AGPAT4: variants seen among roughly 807,000 people sequenced by gnomAD.
The protein encoded by AGPAT4 is 1-acylglycerol-3-phosphate O-acyltransferase 4.
AGPAT4 carries 15 observed loss-of-function variants against 48.0 expected under a neutral mutation model. The ratio of observed to expected loss-of-function variants is 0.31; its 90% CI spans 0.21 to 0.48. The LOEUF (loss-of-function observed/expected upper bound fraction) is 0.48, where lower values mean the gene tolerates loss of function less well. Ranked by LOEUF, AGPAT4 falls within the 20% of genes least tolerant of loss-of-function variation. AGPAT4 has a pLI of 0.99. For synonymous variants in AGPAT4, 178 were observed against 198.7 expected, an observed-to-expected ratio of 0.90 and a Z score of 0.88; for missense variants, 314 against 482.5, an observed-to-expected ratio of 0.65 and a Z score of 3.27.
chr6:161,163,512 C>A (rs777073615), intron 3 of AGPAT4, among the ~76,000 whole-genome samples: 1 of 152,176 alleles, frequency 6.6e-6, no homozygotes, highest in African/African-American at 2.4e-5. Context: ...AGCCATCTCA[C>A]CCACCGTCAT....
rs1006212520 is a variant in AGPAT4, at chr6:161,218,686, A to C, written c.178+13350T>G. Among the ~76,000 whole-genome samples the C allele has an allele frequency of 6.6e-6, 1 of 152,212 alleles. No homozygotes were observed. Among genetic ancestry groups the C allele is most frequent in the African/African-American group, 2.4e-5 (1 of 41,466 alleles). ...ACTCAAAAACAGCCACTTGGAAGCT[A>C]TAAAGGGAGCCATAAGGATGCTAGA... is the stretch of plus-strand genomic sequence containing the variant. On this transcript the variant is annotated intron_variant, in intron 2 of 8. Coordinates refer to ENST00000320285, the MANE Select transcript of AGPAT4 (RefSeq NM_020133.3). The surrounding 1 kb of genome is among the most constrained non-coding windows in gnomAD (Gnocchi z 4.7).
rs746809281 is a variant in AGPAT4 at position 161,139,567 on chromosome 6, C to G, written c.897G>C (p.Met299Ile). The G allele has an allele frequency of 4.3e-6, 7 of 1,613,912 alleles. No homozygotes were observed. In the East Asian group the frequency reaches 1.6e-4, roughly 36 times the overall value. ...GGGTCCAGGGCCGCCGGGGGGGCAC[C>G]ATGGGCGTCTCTGGGAAGGTGCCCG... ...YRTGTFPETP[M>I]VPPRRPWTLV... Residue 299 changes from methionine to isoleucine, a missense_variant, in exon 8 of 9, where the codon ATG becomes ATC. Physicochemically the swap from Met to Ile is conservative, Grantham distance 10 (BLOSUM62 1). Coordinates refer to ENST00000320285, the MANE Select transcript of AGPAT4 (RefSeq NM_020133.3). The surrounding 1 kb of genome is among the most constrained non-coding windows in gnomAD (Gnocchi z 9.1).
At chr6:161,211,629 T>TA (rs1056329339) in intron 2 of AGPAT4, among the ~76,000 whole-genome samples, 8 of 152,030 alleles carry the variant, frequency 5.3e-5, no homozygotes, top group South Asian at 2.1e-4. Flanking sequence ...AAGAGATTTT[T>TA]AAAAAAAACG....
chr6:161,176,343 A>T (rs1780427800), intron 2 of AGPAT4, among the ~76,000 whole-genome samples: 1 of 152,194 alleles, frequency 6.6e-6, no homozygotes, highest in Non-Finnish European at 1.5e-5. Context: ...ATATATGTTT[A>T]GGGTAGATAG....
chr6:161,158,366 A>AT lies in AGPAT4; in HGVS notation c.349-4057dup, dbSNP rs1779820896. 6.6e-6 allele frequency among the ~76,000 whole-genome samples: 1 copy of AT among 152,100 alleles called. No individual in the cohort carries two copies. The highest frequency in any genetic ancestry group is 2.1e-4 in the South Asian group (1 of 4,828). On this transcript the variant is annotated intron_variant, in intron 3 of 8. Transcript: ENST00000320285. The surrounding 1 kb of genome is among the most constrained non-coding windows in gnomAD (Gnocchi z 5.3). ...AATATACTAATTTCATCAATTCTGGATTTATTTCACAGGTCAACGTGAAAG... is the reference window on the plus strand; with the variant it reads ...AATATACTAATTTCATCAATTCTGGATTTTATTTCACAGGTCAACGTGAAAG...
At chr6:161,168,628 CGCGTGATTACCTAAT>C (rs926300909) in intron 2 of AGPAT4, among the ~76,000 whole-genome samples, 16 of 152,188 alleles carry the variant, frequency 1.1e-4, no homozygotes, top group African/African-American at 3.9e-4. Flanking sequence ...CAACAAATGC[CGCGTGATTACCTAAT>C]GCGTTCAAGC....
rs901314983 is a variant in AGPAT4 at position 161,162,484 on chromosome 6, C to T, written c.348+3764G>A. On this transcript the variant is annotated intron_variant, in intron 3 of 8. Transcript: ENST00000320285. Reference sequence around the variant, plus strand: ...TGTGTTTTAAAACAAGCCTGTGTGGCGAGGGATGGAGGCCGGGCAGCAAAC... The same window carrying T: ...TGTGTTTTAAAACAAGCCTGTGTGGTGAGGGATGGAGGCCGGGCAGCAAAC... Among the ~76,000 whole-genome samples the T allele has an allele frequency of 5.9e-5, 9 of 152,224 alleles. No individual in the cohort carries two copies. The East Asian group carries it at 1.4e-3, about 23-fold the overall frequency.
rs911788784 is a variant in AGPAT4 at position 161,244,105 on chromosome 6, C to T, written c.-89-11803G>A. 2.0e-5 allele frequency among the ~76,000 whole-genome samples: 3 copies of T among 152,198 alleles called. No individual in the cohort carries two copies. Among genetic ancestry groups the T allele is most frequent in the Non-Finnish European group, 4.4e-5 (3 of 68,034 alleles). Reference sequence around the variant, plus strand: ...GAAATAAAAACTGGTATTGAGAAGACCAAGACCCTCATCACTTTGGTGCTC... The same window carrying T: ...GAAATAAAAACTGGTATTGAGAAGATCAAGACCCTCATCACTTTGGTGCTC... On this transcript the variant is annotated intron_variant, in intron 1 of 8. Transcript: ENST00000320285. This position sits in a 1 kb window ranked among gnomAD's most constrained non-coding sequence, Gnocchi z 4.7.
chr6:161,183,488 C>T (rs6901905), intron 2 of AGPAT4, among the ~76,000 whole-genome samples: 12,372 of 150,852 alleles, frequency 0.082, 635 homozygotes, highest in Non-Finnish European at 0.12. Context: ...GGCATGGTGG[C>T]GCATGCCTGT....
Position 161,149,329 on chromosome 6 carries a change from G to A in AGPAT4, c.665-40C>T. 1.9e-6 allele frequency: 3 copies of A among 1,557,880 alleles called. No individual in the cohort carries two copies. Among genetic ancestry groups the A allele is most frequent in the Non-Finnish European group, 2.6e-6 (3 of 1,157,574 alleles). On this transcript the variant is annotated intron_variant, in intron 5 of 8. Transcript: ENST00000320285. This position sits in a 1 kb window ranked among gnomAD's most constrained non-coding sequence, Gnocchi z 6.5. ...ACAAATACAAAGCAGTATATAGCGT[G>A]TGAACCCAATTTTGTTCTGTAGATA... is the stretch of plus-strand genomic sequence containing the variant.
At chr6:161,257,867 T>C (rs1015283384) in intron 1 of AGPAT4, among the ~76,000 whole-genome samples, 7 of 152,224 alleles carry the variant, frequency 4.6e-5, no homozygotes, top group African/African-American at 1.7e-4. Flanking sequence ...CACCATCATA[T>C]ACACAAGGAT....
rs375106083 is a variant in AGPAT4, at chr6:161,255,202, G to A, written c.-90+18736C>T. Among the ~76,000 whole-genome samples, 2 of 152,112 alleles carry A rather than the reference G, an allele frequency of 1.3e-5. No homozygotes were observed. Among genetic ancestry groups the A allele is most frequent in the Non-Finnish European group, 2.9e-5 (2 of 68,018 alleles). ...ATTAGCTCTATGATAATGGCTTGAC[G>A]TAGGTCCAAAGAGCAAAGGAACTTG... On this transcript the variant is annotated intron_variant, in intron 1 of 8. Coordinates refer to ENST00000320285, the MANE Select transcript of AGPAT4 (RefSeq NM_020133.3). The surrounding 1 kb of genome is among the most constrained non-coding windows in gnomAD (Gnocchi z 4.7).
At chr6:161,170,508 T>C (rs375727625) in intron 2 of AGPAT4, among the ~76,000 whole-genome samples, 27 of 148,404 alleles carry the variant, frequency 1.8e-4, no homozygotes, top group South Asian at 6.6e-4. Context: ...CACACACACA[T>C]ACACATATAC....
rs73782827 is a variant in AGPAT4, at chr6:161,246,020, T to G, written c.-89-13718A>C. Among the ~76,000 whole-genome samples the G allele has an allele frequency of 0.042, 6,414 of 152,290 alleles. 451 individuals are homozygous for G. Among genetic ancestry groups the G allele is most frequent in the African/African-American group, 0.14 (5,954 of 41,532 alleles). On this transcript the variant is annotated intron_variant, in intron 1 of 8. Transcript: ENST00000320285. This position sits in a 1 kb window ranked among gnomAD's most constrained non-coding sequence, Gnocchi z 5.5. ...CAGTATCCTTGTTTCTAGATAGCTC[T>G]GAAAAATGGCCACAAGAATACTGAA...
In AGPAT4 at chr6:161,142,697, G is replaced by A. The variant is rs540157831; in HGVS notation, c.844-3077C>T. Among the ~76,000 whole-genome samples, 1 of 152,298 alleles carries A rather than the reference G, an allele frequency of 6.6e-6. No individual in the cohort carries two copies. Among genetic ancestry groups the A allele is most frequent in the South Asian group, 2.1e-4 (1 of 4,830 alleles). On this transcript the variant is annotated intron_variant, in intron 7 of 8. Coordinates refer to ENST00000320285, the MANE Select transcript of AGPAT4 (RefSeq NM_020133.3). The surrounding 1 kb of genome is among the most constrained non-coding windows in gnomAD (Gnocchi z 6.4). Reference sequence around the variant, plus strand: ...ACAGGAAAGAACGAAGAATAGAAGAGAAAGTTGAGGAACAGAGAGGAAGAA... The same window carrying A: ...ACAGGAAAGAACGAAGAATAGAAGAAAAAGTTGAGGAACAGAGAGGAAGAA...
rs944494523 is a variant in AGPAT4, at chr6:161,264,288, C to G, written c.-90+9650G>C. Among the ~76,000 whole-genome samples, 1 of 152,154 alleles carries G rather than the reference C, an allele frequency of 6.6e-6. No homozygotes were observed. Among genetic ancestry groups the G allele is most frequent in the African/African-American group, 2.4e-5 (1 of 41,440 alleles). ...CCTGTGCCTCTTCTGGGCCTCCCCT[C>G]CCAGAGCTGCAGGATGCTCAGCCTC... On this transcript the variant is annotated intron_variant, in intron 1 of 8. Transcript: ENST00000320285. The surrounding 1 kb of genome is among the most constrained non-coding windows in gnomAD (Gnocchi z 6.8).
At chr6:161,174,122 T>C (rs1780359576) in intron 2 of AGPAT4, among the ~76,000 whole-genome samples, 1 of 152,178 alleles carries the variant, frequency 6.6e-6, no homozygotes, top group South Asian at 2.1e-4. Context: ...TTGTCTTGAC[T>C]ATGCGGGCTC....
In AGPAT4 at chr6:161,143,851, C is replaced by CACCT. The variant is rs1328609405; in HGVS notation, c.843+2669_843+2672dup. On this transcript the variant is annotated intron_variant, in intron 7 of 8. Coordinates refer to ENST00000320285, the MANE Select transcript of AGPAT4 (RefSeq NM_020133.3). The surrounding 1 kb of genome is among the most constrained non-coding windows in gnomAD (Gnocchi z 4.7). ...GCTTGGAAAGACCAGAATGTTGGCA[C>CACCT]ACCTCTGTTGGCTGCCTGCCATTCC... 1 of 280,428 alleles carries CACCT rather than the reference C, an allele frequency of 3.6e-6. No individual in the cohort carries two copies. Among genetic ancestry groups the CACCT allele is most frequent in the Non-Finnish European group, 7.0e-6 (1 of 142,298 alleles). 17.4% of individuals were successfully genotyped at this position (280,428 alleles called of 1,614,324 possible). A position where few individuals can be genotyped will look rare whatever the true frequency, so the allele number is the denominator to read the frequency against.
intron 2 of AGPAT4, among the ~76,000 whole-genome samples, chr6:161,228,490 G>C (rs1782039031): frequency 6.6e-6 from 1 of 151,674 alleles, no homozygotes; most frequent in African/African-American, 2.4e-5. Flanking sequence ...GGGGGTGTGG[G>C]GTGGTGGTGT....
Sources: gnomAD v4.1 joint callset for allele counts (sites outside exome capture counted in the v4.1 genomes callset) on GRCh38, gnomAD v4.1.1 for gene constraint, Gnocchi (gnomAD v3.1) non-coding constraint, MANE v1.5 for transcripts, NCBI Gene and HGNC (gene_info 2026-07-23, HGNC 2026-07-21) for gene names.